Variants in ADAMTS17 observed in about 807,000 individuals in gnomAD.
The protein encoded by ADAMTS17 is A disintegrin and metalloproteinase with thrombospondin motifs 17.
In ADAMTS17, 113 loss-of-function variants were observed where a neutral mutation model predicts 141.5. That is an observed-to-expected ratio of 0.80 (90% CI 0.69 to 0.93). The LOEUF (loss-of-function observed/expected upper bound fraction) is 0.93, where lower values mean the gene tolerates loss of function less well. Ranked by LOEUF, ADAMTS17 falls within the 40% of genes least tolerant of loss-of-function variation. ADAMTS17 has a pLI of 0.00. For missense variants in ADAMTS17, 1,659 were observed against 1,517.9 expected (o/e 1.09, Z -1.54); for synonymous variants, 768 against 630.6 (o/e 1.22, Z -3.27).
chr15:100,237,165 A>G (rs868723299), intron 7 of ADAMTS17, among the ~76,000 whole-genome samples: 2 of 152,218 alleles, frequency 1.3e-5, no homozygotes, highest in Middle Eastern at 3.4e-3. Context: ...TCGTGTCACT[A>G]TGCAGCCCGG....
Position 99,994,336 on chromosome 15 carries a change from G to A in ADAMTS17, c.2797-1136C>T, listed in dbSNP as rs560874887. ...ACAAACTCAACTTTAAAAAGTTCTA[G>A]GCCAAATGCAGTAGTTCACACCCAT... On this transcript the variant is annotated intron_variant, in intron 19 of 21. Transcript: ENST00000268070. Among the ~76,000 whole-genome samples the A allele has an allele frequency of 2.0e-5, 3 of 152,096 alleles. No individual in the cohort carries two copies. The South Asian group carries it at 6.2e-4, about 32-fold the overall frequency.
At chr15:100,254,551 G>A (rs573339946) in intron 6 of ADAMTS17, among the ~76,000 whole-genome samples, 1 of 152,274 alleles carries the variant, frequency 6.6e-6, no homozygotes, top group East Asian at 1.9e-4. Flanking sequence ...ACTTCCCCAA[G>A]CTACTCTATT....
chr15:100,185,083 C>A (rs56665518), intron 8 of ADAMTS17, among the ~76,000 whole-genome samples: 1,925 of 152,280 alleles, frequency 0.013, 42 homozygotes, highest in African/African-American at 0.043. Flanking sequence ...GAAAGCGCTA[C>A]AGTCTGTGGC....
At chr15:99,998,232 G>A (rs1195682237) in intron 18 of ADAMTS17, among the ~76,000 whole-genome samples, 7 of 152,222 alleles carry the variant, frequency 4.6e-5, no homozygotes, top group Non-Finnish European at 8.8e-5. Context: ...GGAGATGGCT[G>A]TGGTGCCTGA....
At chr15:100,219,658 C>T (rs1461431341) in intron 7 of ADAMTS17, among the ~76,000 whole-genome samples, 1 of 152,176 alleles carries the variant, frequency 6.6e-6, no homozygotes, top group Admixed American at 6.5e-5. Context: ...CACTCAAAGT[C>T]TTCACATGGA....
chr15:100,267,507 C>G (rs544765718), intron 4 of ADAMTS17, among the ~76,000 whole-genome samples: 3 of 152,034 alleles, frequency 2.0e-5, no homozygotes, highest in Non-Finnish European at 4.4e-5. Flanking sequence ...CGTGGTAAGT[C>G]TAAATGAATA....
At chr15:100,168,752 A>G (rs2040046713) in intron 8 of ADAMTS17, 1 of 152,230 alleles carries the variant, frequency 6.6e-6, no homozygotes, top group South Asian at 2.1e-4. Context: ...CTCCCCACTC[A>G]ATGCATCCTC....
intron 21 of ADAMTS17, among the ~76,000 whole-genome samples, chr15:99,975,538 G>C (rs539625358): frequency 2.8e-4 from 43 of 152,142 alleles, no homozygotes; most frequent in African/African-American, 1.0e-3. Context: ...TCTTCTCCTT[G>C]TATCACCACT....
At chr15:100,010,169 T>TA (rs1447915977) in intron 18 of ADAMTS17, among the ~76,000 whole-genome samples, 3 of 152,154 alleles carry the variant, frequency 2.0e-5, no homozygotes, top group African/African-American at 7.2e-5. Flanking sequence ...AGGCCTCCCC[T>TA]GCCACGTGCA....
At chr15:100,305,495 C>T (rs1355241753) in intron 3 of ADAMTS17, among the ~76,000 whole-genome samples, 1 of 152,194 alleles carries the variant, frequency 6.6e-6, no homozygotes, top group African/African-American at 2.4e-5. Flanking sequence ...TGCACAAGGC[C>T]CCCTAGATGG....
chr15:100,199,299 C>T lies in ADAMTS17; in HGVS notation c.1181+19G>A, dbSNP rs771508769. ...AAAGGACTGAAAGAAAACAGGACGA[C>T]ACAGAGTCTGATACTTACTTGTGGC... On this transcript the variant is annotated intron_variant, in intron 8 of 21. Transcript: ENST00000268070. 5 of 1,606,000 alleles carry T rather than the reference C, an allele frequency of 3.1e-6. No individual in the cohort carries two copies. In the East Asian group the frequency reaches 6.7e-5, roughly 21 times the overall value.
chr15:100,179,424 A>AT lies in ADAMTS17; in HGVS notation c.1181+19893dup, dbSNP rs569140796. On this transcript the variant is annotated intron_variant, in intron 8 of 21. Coordinates refer to ENST00000268070, the MANE Select transcript of ADAMTS17 (RefSeq NM_139057.4). ...TCTACTCCATTGTGGTAAGTACCAT[A>AT]TTTTTTTAATCCATTCCTCTGTTGA... 1.9e-4 allele frequency among the ~76,000 whole-genome samples: 29 copies of AT among 152,202 alleles called. 1 individual carries two copies. In the East Asian group the frequency reaches 3.7e-3, roughly 19 times the overall value.
intron 18 of ADAMTS17, among the ~76,000 whole-genome samples, chr15:100,034,631 C>G (rs2030525522): frequency 6.6e-6 from 1 of 152,168 alleles, no homozygotes; most frequent in Non-Finnish European, 1.5e-5. Flanking sequence ...ACAAGCAGTC[C>G]CAGACAGTCC....
intron 7 of ADAMTS17, among the ~76,000 whole-genome samples, chr15:100,207,483 A>G (rs896789810): frequency 3.3e-5 from 5 of 152,170 alleles, no homozygotes; most frequent in Non-Finnish European, 5.9e-5. Flanking sequence ...CATGGCGGCC[A>G]CCGGAACTCA....
chr15:100,151,742 T>C lies in ADAMTS17; in HGVS notation c.1473+870A>G, dbSNP rs148271243. Among the ~76,000 whole-genome samples the C allele has an allele frequency of 5.0e-3, 768 of 152,310 alleles. 6 individuals carry two copies. Among genetic ancestry groups the C allele is most frequent in the Middle Eastern group, 0.017 (5 of 294 alleles). Reference sequence around the variant, plus strand: ...CAGGGCCAGGTGGACCACAGGCTCCTGGCCTTCCCCTGTGGCCAGGGCCTT... The same window carrying C: ...CAGGGCCAGGTGGACCACAGGCTCCCGGCCTTCCCCTGTGGCCAGGGCCTT... On this transcript the variant is annotated intron_variant, in intron 10 of 21. Transcript: ENST00000268070.
chr15:100,182,114 C>A (rs115629328), intron 8 of ADAMTS17, among the ~76,000 whole-genome samples: 1,877 of 152,250 alleles, frequency 0.012, 53 homozygotes, highest in African/African-American at 0.042. Context: ...AAAGAAATAC[C>A]CGAGTCTGGG....
chr15:100,319,620 G>A (rs1426311492), intron 3 of ADAMTS17, among the ~76,000 whole-genome samples: 1 of 152,186 alleles, frequency 6.6e-6, no homozygotes, highest in Non-Finnish European at 1.5e-5. Flanking sequence ...TGAGGCAAGA[G>A]AATCGCTTGA....
intron 18 of ADAMTS17, among the ~76,000 whole-genome samples, chr15:99,999,981 T>C (rs1452137500): frequency 3.3e-5 from 5 of 152,172 alleles, no homozygotes; most frequent in Non-Finnish European, 1.5e-5. Flanking sequence ...AAGCCCTTCT[T>C]GGATCCATGG....
intron 4 of ADAMTS17, among the ~76,000 whole-genome samples, chr15:100,263,969 G>C (rs1596391618): frequency 6.6e-6 from 1 of 152,334 alleles, no homozygotes; most frequent in African/African-American, 2.4e-5. Context: ...CTAGAAGCCA[G>C]GCACGCAGTG....
Sources: allele counts gnomAD v4.1 joint callset (sites outside exome capture counted in the v4.1 genomes callset), GRCh38; gene constraint gnomAD v4.1.1; transcripts MANE v1.5; gene names NCBI Gene and HGNC (gene_info 2026-07-23, HGNC 2026-07-21).